The following GABBR1 variants were observed in gnomAD, a reference collection of about 807,000 sequenced individuals.
The protein encoded by GABBR1 is GABA-B receptor, R1 subunit.
GABBR1 carries 35 observed loss-of-function variants against 117.7 expected under a neutral mutation model. The observed-to-expected ratio is 0.30, with a 90% CI of 0.23 to 0.39. The LOEUF (loss-of-function observed/expected upper bound fraction) is 0.39. Among genes scored for constraint, GABBR1 ranks in the 10% least tolerant of loss-of-function variants. The pLI is 1.00. For missense variants in GABBR1, 709 were observed against 1,241.8 expected, an observed-to-expected ratio of 0.57 and a Z score of 6.45; for synonymous variants, 442 against 486.6, an observed-to-expected ratio of 0.91 and a Z score of 1.21.
At position 29,607,251 on chromosome 6, in the gene GABBR1, G is replaced by A. The variant is rs1458995373; in HGVS notation, c.1993-33C>T. The A allele has an allele frequency of 4.5e-6, 7 of 1,556,344 alleles. No individual in the cohort carries two copies. In the Admixed American group the frequency reaches 1.0e-4, roughly 22 times the overall value. On this transcript the variant is annotated intron_variant, in intron 16 of 22. Coordinates refer to ENST00000377034, the MANE Select transcript of GABBR1 (RefSeq NM_001470.4). The surrounding 1 kb of genome is among the most constrained non-coding windows in gnomAD (Gnocchi z 5.0). Reference sequence around the variant, plus strand: ...GGAAGAGAGGGCACAGGCAGAACAGGGTAGAGTAGTAGCCGGGACTGCAGT... The same window carrying A: ...GGAAGAGAGGGCACAGGCAGAACAGAGTAGAGTAGTAGCCGGGACTGCAGT...
rs750820919 is a variant in GABBR1 at position 29,607,037 on chromosome 6, AG to A, written c.2110-34del. The A allele has an allele frequency of 7.9e-5, 127 of 1,610,814 alleles. No individual in the cohort carries two copies. The highest frequency in any genetic ancestry group is 9.7e-5 in the Non-Finnish European group (114 of 1,177,054). On this transcript the variant is annotated intron_variant, in intron 17 of 22. Transcript: ENST00000377034. This position sits in a 1 kb window ranked among gnomAD's most constrained non-coding sequence, Gnocchi z 5.0. ...AATATGTGGGGAGAACAGGCACGTC[AG>A]GGGAAAATGCTCTGTGCCCCAGGAG... is the stretch of plus-strand genomic sequence containing the variant.
chr6:29,618,671 C>G (rs1763425830), intron 11 of GABBR1, among the ~76,000 whole-genome samples: 1 of 152,162 alleles, frequency 6.6e-6, no homozygotes, highest in African/African-American at 2.4e-5. Context: ...CTCCCACATT[C>G]CCCTCTAGCC....
chr6:29,625,486 C>A (rs1764177076), intron 6 of GABBR1, among the ~76,000 whole-genome samples: 1 of 152,192 alleles, frequency 6.6e-6, no homozygotes, highest in Non-Finnish European at 1.5e-5. Context: ...CTCTTCCACA[C>A]ACTATTCATC....
chr6:29,627,741 C>G lies in GABBR1; in HGVS notation c.497-95G>C. The G allele has an allele frequency of 6.6e-7, 1 of 1,504,358 alleles. No individual in the cohort carries two copies. 93.2% of individuals were successfully genotyped at this position (1,504,358 alleles called of 1,614,324 possible). On this transcript the variant is annotated intron_variant, in intron 5 of 22. Transcript: ENST00000377034. This position sits in a 1 kb window ranked among gnomAD's most constrained non-coding sequence, Gnocchi z 4.4. ...GAGCCACCCCTGCCGCCATCACAAC[C>G]AGAAGCGGCAGTGGCCACCCCACCC... is the stretch of plus-strand genomic sequence containing the variant.
chr6:29,603,594 G>T lies in GABBR1; in HGVS notation c.2835C>A (p.Pro945=). 6.3e-7 allele frequency: 1 copy of T among 1,587,978 alleles called. No individual in the cohort carries two copies. Among genetic ancestry groups the T allele is most frequent in the South Asian group, 1.2e-5 (1 of 86,578 alleles). The stretch of plus-strand genomic sequence containing the variant: ...TCCCATCACAGCTAAGCCGGTCGGG[G>T]GGCTCAGGGGGTCCCCTGGGCAGGC... ...SGGLPRGPPE[P]PDRLSCDGSR... Residue 945 remains proline, a synonymous_variant, in exon 23 of 23, where the codon CCC becomes CCA. Coordinates refer to ENST00000377034, the MANE Select transcript of GABBR1 (RefSeq NM_001470.4).
chr6:29,632,244 T>A lies in GABBR1; in HGVS notation c.85+57A>T. On this transcript the variant is annotated intron_variant, in intron 2 of 22. Coordinates refer to ENST00000377034, the MANE Select transcript of GABBR1 (RefSeq NM_001470.4). The surrounding 1 kb of genome is among the most constrained non-coding windows in gnomAD (Gnocchi z 5.8). ...GTGATGAGGACCAGAAATGAGGAGA[T>A]GCAGGGAAAGGGAAGTGGAGCGAAG... The A allele has an allele frequency of 9.7e-7, 1 of 1,027,356 alleles. No homozygotes were observed. The highest frequency in any genetic ancestry group is 3.1e-5 in the East Asian group (1 of 31,760). The allele number at this position is 1,027,356 out of a possible 1,614,324, so 63.6% of individuals were successfully genotyped here.
rs1459207628 is a variant in GABBR1, at chr6:29,632,218, A to G, written c.85+83T>C. The G allele has an allele frequency of 3.7e-6, 3 of 821,128 alleles. No homozygotes were observed. In the East Asian group the frequency reaches 9.8e-5, roughly 27 times the overall value. 50.9% of individuals were successfully genotyped at this position (821,128 alleles called of 1,614,324 possible). A position where few individuals can be genotyped will look rare whatever the true frequency, so the allele number is the denominator to read the frequency against. On this transcript the variant is annotated intron_variant, in intron 2 of 22. Transcript: ENST00000377034. The surrounding 1 kb of genome is among the most constrained non-coding windows in gnomAD (Gnocchi z 5.8). ...GGATGATATGTGGGACTGATGGGAT[A>G]GTGATGAGGACCAGAAATGAGGAGA...
chr6:29,614,583 G>T (rs917245851), intron 11 of GABBR1, among the ~76,000 whole-genome samples: 2 of 152,216 alleles, frequency 1.3e-5, no homozygotes, highest in African/African-American at 4.8e-5. Flanking sequence ...AGGAGCCTGG[G>T]CTTTGAAGAT....
chr6:29,603,527 C>T lies in GABBR1; in HGVS notation c.*16G>A, dbSNP rs1463019643. 29 of 1,547,234 alleles carry T rather than the reference C, an allele frequency of 1.9e-5. No individual in the cohort carries two copies. Among genetic ancestry groups the T allele is most frequent in the Non-Finnish European group, 2.4e-5 (27 of 1,146,044 alleles). ...CTTTCCCTCCCCCTACTGGCCTGTC[C>T]TCCCTCACCCTACCCTCACTTATAA... On this transcript the variant is annotated 3_prime_UTR_variant, in exon 23 of 23. Transcript: ENST00000377034.
Position 29,620,871 on chromosome 6 carries a change from T to C in GABBR1, c.1323+230A>G, listed in dbSNP as rs1162296482. 1.3e-5 allele frequency among the ~76,000 whole-genome samples: 2 copies of C among 151,472 alleles called. No individual in the cohort carries two copies. The highest frequency in any genetic ancestry group is 2.9e-5 in the Non-Finnish European group (2 of 67,872). Reference sequence around the variant, plus strand: ...GCCCTTCCACTCATCAGGAACCTACTGAACATACAACTCCATCGTTTTTTT... The same window carrying C: ...GCCCTTCCACTCATCAGGAACCTACCGAACATACAACTCCATCGTTTTTTT... On this transcript the variant is annotated intron_variant, in intron 11 of 22. Coordinates refer to ENST00000377034, the MANE Select transcript of GABBR1 (RefSeq NM_001470.4). The surrounding 1 kb of genome is among the most constrained non-coding windows in gnomAD (Gnocchi z 4.5).
rs55853299 is a variant in GABBR1, at chr6:29,611,050, A to G, written c.1631-49T>C. On this transcript the variant is annotated intron_variant, in intron 13 of 22. Coordinates refer to ENST00000377034, the MANE Select transcript of GABBR1 (RefSeq NM_001470.4). This position sits in a 1 kb window ranked among gnomAD's most constrained non-coding sequence, Gnocchi z 4.6. The stretch of plus-strand genomic sequence containing the variant: ...GTGACCACAGGTAGCCAAAGAGCTG[A>G]TCCTAGGCATTTTCAACTTCCCACT... 4,618 of 1,475,108 alleles carry G rather than the reference A, an allele frequency of 3.1e-3. 40 individuals carry two copies. The highest frequency in any genetic ancestry group is 0.019 in the Middle Eastern group (107 of 5,770). 91.4% of individuals were successfully genotyped at this position (1,475,108 alleles called of 1,614,324 possible). A position where few individuals can be genotyped will look rare whatever the true frequency, so the allele number is the denominator to read the frequency against.
In GABBR1 at chr6:29,632,545, G is replaced by T; in HGVS notation, c.1-160C>A. ...GGAGGAGGCGGGGGCGGAGCCCCGC[G>T]CGGGGTGGGGGGAGAGGAGGAGAGA... On this transcript the variant is annotated intron_variant, in intron 1 of 22. Coordinates refer to ENST00000377034, the MANE Select transcript of GABBR1 (RefSeq NM_001470.4). This position sits in a 1 kb window ranked among gnomAD's most constrained non-coding sequence, Gnocchi z 5.8. The T allele has an allele frequency of 1.1e-6, 1 of 884,636 alleles. No individual in the cohort carries two copies. The highest frequency in any genetic ancestry group is 1.6e-6 in the Non-Finnish European group (1 of 627,898). The allele number at this position is 884,636 out of a possible 1,614,324, so 54.8% of individuals were successfully genotyped here.
At chr6:29,612,246 T>C (rs1237776247) in intron 13 of GABBR1, among the ~76,000 whole-genome samples, 1 of 151,228 alleles carries the variant, frequency 6.6e-6, no homozygotes, top group Non-Finnish European at 1.5e-5. Flanking sequence ...CTCCTGACCA[T>C]GATCATGATC....
chr6:29,622,243 GGT>G lies in GABBR1; in HGVS notation c.964-40_964-39del. ...TAAAAAACAAGTTGGAAAAACACGGGGTGCATGAGGGAATAAAGACCAGAGAG... is the reference window on the plus strand; with the variant it reads ...TAAAAAACAAGTTGGAAAAACACGGGGCATGAGGGAATAAAGACCAGAGAG... On this transcript the variant is annotated intron_variant, in intron 8 of 22. Transcript: ENST00000377034. This position sits in a 1 kb window ranked among gnomAD's most constrained non-coding sequence, Gnocchi z 4.6. 7.4e-7 allele frequency: 1 copy of G among 1,347,612 alleles called. No homozygotes were observed. Among genetic ancestry groups the G allele is most frequent in the Non-Finnish European group, 1.1e-6 (1 of 939,006 alleles). 83.5% of individuals were successfully genotyped at this position (1,347,612 alleles called of 1,614,324 possible).
chr6:29,630,383 T>C lies in GABBR1; in HGVS notation c.475+75A>G. 7.6e-7 allele frequency: 1 copy of C among 1,311,632 alleles called. No homozygotes were observed. The highest frequency in any genetic ancestry group is 1.8e-5 in the Admixed American group (1 of 54,512). The allele number at this position is 1,311,632 out of a possible 1,614,324, so 81.2% of individuals were successfully genotyped here. A position where few individuals can be genotyped will look rare whatever the true frequency, so the allele number is the denominator to read the frequency against. On this transcript the variant is annotated intron_variant, in intron 4 of 22. Coordinates refer to ENST00000377034, the MANE Select transcript of GABBR1 (RefSeq NM_001470.4). This position sits in a 1 kb window ranked among gnomAD's most constrained non-coding sequence, Gnocchi z 4.9. The stretch of plus-strand genomic sequence containing the variant: ...TTTTATAGCTCTCCATTCTTTCCCA[T>C]TATCCATTCCCACCCCACTCCCATC...
At position 29,627,417 on chromosome 6, in the gene GABBR1, C is replaced by T; in HGVS notation, c.657+69G>A. The T allele has an allele frequency of 2.8e-6, 4 of 1,451,222 alleles. No homozygotes were observed. The highest frequency in any genetic ancestry group is 4.3e-5 in the Admixed American group (2 of 46,760). 89.9% of individuals were successfully genotyped at this position (1,451,222 alleles called of 1,614,324 possible). On this transcript the variant is annotated intron_variant, in intron 6 of 22. Coordinates refer to ENST00000377034, the MANE Select transcript of GABBR1 (RefSeq NM_001470.4). This position sits in a 1 kb window ranked among gnomAD's most constrained non-coding sequence, Gnocchi z 4.4. ...CAGAGACGACTCAGACAGATGGGGGCGCGTGCAGCTGGCTGGCCCCCTGCC... is the reference window on the plus strand; with the variant it reads ...CAGAGACGACTCAGACAGATGGGGGTGCGTGCAGCTGGCTGGCCCCCTGCC...
At position 29,632,552 on chromosome 6, in the gene GABBR1, G is replaced by A. The variant is rs55701059; in HGVS notation, c.1-167C>T. ...GCGGGGGCGGAGCCCCGCGCGGGGTGGGGGGAGAGGAGGAGAGAAAGCCTG... is the reference window on the plus strand; with the variant it reads ...GCGGGGGCGGAGCCCCGCGCGGGGTAGGGGGAGAGGAGGAGAGAAAGCCTG... On this transcript the variant is annotated intron_variant, in intron 1 of 22. Coordinates refer to ENST00000377034, the MANE Select transcript of GABBR1 (RefSeq NM_001470.4). The surrounding 1 kb of genome is among the most constrained non-coding windows in gnomAD (Gnocchi z 5.8). 37 of 879,638 alleles carry A rather than the reference G, an allele frequency of 4.2e-5. No individual in the cohort carries two copies. Among genetic ancestry groups the A allele is most frequent in the Middle Eastern group, 3.5e-4 (1 of 2,820 alleles). The allele number at this position is 879,638 out of a possible 1,614,324, so 54.5% of individuals were successfully genotyped here.
Position 29,602,850 on chromosome 6 carries a change from A to G in GABBR1, c.*693T>C, listed in dbSNP as rs1244849312. ...GCACACGTAGCTGTGAATGCAGGGCACCCGAGAGCACATGTGACTGAACAT... is the reference window on the plus strand; with the variant it reads ...GCACACGTAGCTGTGAATGCAGGGCGCCCGAGAGCACATGTGACTGAACAT... On this transcript the variant is annotated 3_prime_UTR_variant, in exon 23 of 23. Transcript: ENST00000377034. The G allele has an allele frequency of 2.7e-6, 1 of 365,682 alleles. No homozygotes were observed. The highest frequency in any genetic ancestry group is 7.3e-5 in the East Asian group (1 of 13,704). 22.7% of individuals were successfully genotyped at this position (365,682 alleles called of 1,614,324 possible). A position where few individuals can be genotyped will look rare whatever the true frequency, so the allele number is the denominator to read the frequency against.
In GABBR1 at chr6:29,610,979, G is replaced by A. The variant is rs574936416; in HGVS notation, c.1653C>T (p.Gly551=). Residue 551 remains glycine, a synonymous_variant, in exon 14 of 23, where the codon GGC becomes GGT. Transcript: ENST00000377034. The stretch of plus-strand genomic sequence containing the variant: ...GATCATCCTTGGTGCTGTCATAGTA[G>A]CCAATCTTCTTGTAGCTGCCACCTG... ...QLQGGSYKKI[G]YYDSTKDDLS... 9 of 1,612,980 alleles carry A rather than the reference G, an allele frequency of 5.6e-6. No homozygotes were observed. In the African/African-American group the frequency reaches 1.2e-4, roughly 21 times the overall value.
Sources: gnomAD v4.1 joint callset for allele counts (sites outside exome capture counted in the v4.1 genomes callset) on GRCh38, gnomAD v4.1.1 for gene constraint, Gnocchi (gnomAD v3.1) non-coding constraint, MANE v1.5 for transcripts, NCBI Gene and HGNC (gene_info 2026-07-23, HGNC 2026-07-21) for gene names.